The following BNC2 variants were observed in gnomAD, a reference collection of about 807,000 sequenced individuals.
The protein encoded by BNC2 is zinc finger protein basonuclin-2.
Under a neutral mutation model 76.3 loss-of-function variants are expected in BNC2, and 20 were observed. The ratio of observed to expected loss-of-function variants is 0.26; its 90% confidence interval spans 0.18 to 0.38. The LOEUF is 0.38. BNC2 is among the 10% of genes least tolerant of loss of function. The pLI is 1.00. For synonymous variants in BNC2, 582 were observed against 514.8 expected (o/e 1.13, Z -1.77); for missense variants, 1,382 against 1,399.8 (o/e 0.99, Z 0.20).
chr9:16,534,825 A>G (rs1818079825), intron 5 of BNC2, among the ~76,000 whole-genome samples: 1 of 152,206 alleles, frequency 6.6e-6, no homozygotes, highest in Non-Finnish European at 1.5e-5. Flanking sequence ...GGCAGAAAAA[A>G]TCAAAACTTT....
intron 4 of BNC2, among the ~76,000 whole-genome samples, chr9:16,580,379 A>C (rs1488267829): frequency 3.9e-5 from 6 of 152,178 alleles, no homozygotes; most frequent in Admixed American, 2.6e-4. Context: ...ATTGTAAAGG[A>C]AAGAATTAGA....
chr9:16,434,561 G>C (rs142104124), intron 6 of BNC2, among the ~76,000 whole-genome samples: 46 of 152,320 alleles, frequency 3.0e-4, no homozygotes, highest in Non-Finnish European at 1.3e-4. Flanking sequence ...TGGGCTGGTG[G>C]TGTATTATGT....
intron 5 of BNC2, 31 bp downstream of exon 5, chr9:16,552,499 G>A: frequency 6.3e-7 from 1 of 1,599,516 alleles, no homozygotes; most frequent in Non-Finnish European, 8.6e-7. Context: ...GTCGGCCCCG[G>A]ACACGGGCGG....
intron 4 of BNC2, among the ~76,000 whole-genome samples, chr9:16,564,718 G>T (rs1819120942): frequency 6.6e-6 from 1 of 152,112 alleles, no homozygotes; most frequent in Admixed American, 6.6e-5. Flanking sequence ...GGTGCTTATT[G>T]ACAAAATGTT....
At chr9:16,817,455 A>G (rs1005301334) in intron 1 of BNC2, among the ~76,000 whole-genome samples, 1 of 152,226 alleles carries the variant, frequency 6.6e-6, no homozygotes, top group Non-Finnish European at 1.5e-5. Context: ...AAGGGTCTAG[A>G]GTCAGAAAGA....
chr9:16,652,004 CAT>C (rs1437218614), intron 3 of BNC2, among the ~76,000 whole-genome samples: 1 of 152,152 alleles, frequency 6.6e-6, no homozygotes, highest in Non-Finnish European at 1.5e-5. Flanking sequence ...TCTTACACAG[CAT>C]ATGTGTTCCT....
intron 1 of BNC2, among the ~76,000 whole-genome samples, chr9:16,805,897 T>C (rs984608872): frequency 6.6e-6 from 1 of 152,172 alleles, no homozygotes; most frequent in African/African-American, 2.4e-5. Flanking sequence ...ATTTTACCTA[T>C]ATTGGTAACT....
chr9:16,545,715 T>G (rs1047667117), intron 5 of BNC2, among the ~76,000 whole-genome samples: 2 of 152,154 alleles, frequency 1.3e-5, no homozygotes, highest in African/African-American at 4.8e-5. Flanking sequence ...CATGGCCTCA[T>G]TTACAAATCA....
At chr9:16,601,357 T>C (rs555938989) in intron 3 of BNC2, among the ~76,000 whole-genome samples, 16 of 152,222 alleles carry the variant, frequency 1.1e-4, no homozygotes, top group African/African-American at 3.1e-4. Context: ...TTGTTAACAC[T>C]TGTGGTACCA....
At chr9:16,519,437 A>G (rs16934769) in intron 5 of BNC2, among the ~76,000 whole-genome samples, 1 of 152,176 alleles carries the variant, frequency 6.6e-6, no homozygotes, top group South Asian at 2.1e-4. Context: ...TCGGATGTAG[A>G]GATGTGTTCC....
intron 3 of BNC2, among the ~76,000 whole-genome samples, chr9:16,635,696 T>C (rs1821302689): frequency 1.3e-5 from 2 of 152,198 alleles, no homozygotes; most frequent in Admixed American, 6.6e-5. Flanking sequence ...CCAACTTTTG[T>C]TGGCAACTCA....
intron 1 of BNC2, chr9:16,867,672 C>T (rs556882594): frequency 6.6e-6 from 1 of 152,034 alleles, no homozygotes; most frequent in African/African-American, 2.4e-5. Context: ...GGAACAACAA[C>T]AAAAAGAATA....
At chr9:16,483,482 T>G (rs1056511593) in intron 5 of BNC2, among the ~76,000 whole-genome samples, 1 of 152,186 alleles carries the variant, frequency 6.6e-6, no homozygotes, top group African/African-American at 2.4e-5. Context: ...TTCCCAAAAT[T>G]TTGGTAAAAC....
chr9:16,833,509 C>T (rs1442154282), intron 1 of BNC2, among the ~76,000 whole-genome samples: 1 of 152,134 alleles, frequency 6.6e-6, no homozygotes, highest in Non-Finnish European at 1.5e-5. Flanking sequence ...TGACTATATT[C>T]CTTTATGGTT....
At chr9:16,794,736 T>C (rs7858031) in intron 1 of BNC2, among the ~76,000 whole-genome samples, 3,180 of 152,276 alleles carry the variant, frequency 0.021, 108 homozygotes, top group African/African-American at 0.072. Flanking sequence ...GAAGCAAAAT[T>C]AACCATATTA....
Position 16,419,624 on chromosome 9 carries a change from G to A in BNC2, c.2665C>T (p.Arg889Cys), listed in dbSNP as rs779084645. The change falls in exon 7 of 7, where the codon CGT becomes TGT. Residue 889 changes from arginine to cysteine, a missense_variant. Arg to Cys is a radical substitution (Grantham distance 180, BLOSUM62 -3). This residue lies in a region of BNC2 where 798 missense variants were observed against 775.5 expected (regional missense o/e 1.03). Coordinates refer to ENST00000380672, the MANE Select transcript of BNC2 (RefSeq NM_017637.6). ...DRHSANINLH[R>C]KLLTKELDDM... ...TCGAGTTCTTTGGTCAACAGTTTAC[G>A]ATGTAGGTTTATGTTGGCACTGTGT... The A allele has an allele frequency of 1.3e-5, 19 of 1,472,044 alleles. No individual in the cohort carries two copies. Among genetic ancestry groups the A allele is most frequent in the Non-Finnish European group, 1.6e-5 (18 of 1,094,572 alleles). 91.2% of individuals were successfully genotyped at this position (1,472,044 alleles called of 1,614,324 possible).
intron 1 of BNC2, among the ~76,000 whole-genome samples, chr9:16,829,658 C>T (rs919836655): frequency 2.0e-5 from 3 of 152,094 alleles, no homozygotes; most frequent in Non-Finnish European, 2.9e-5. Context: ...ACAAACAAAA[C>T]GGCAATTCTA....
intron 3 of BNC2, among the ~76,000 whole-genome samples, chr9:16,608,425 G>C (rs1234219706): frequency 2.0e-5 from 3 of 151,454 alleles, no homozygotes; most frequent in Non-Finnish European, 4.4e-5. Context: ...TAAACTCCCT[G>C]CTCCTTAAAA....
chr9:16,772,719 G>C (rs1424761253), intron 1 of BNC2, among the ~76,000 whole-genome samples: 2 of 152,114 alleles, frequency 1.3e-5, no homozygotes, highest in Non-Finnish European at 2.9e-5. Context: ...AATTGAAGGT[G>C]CTGGAATCTT....
Sources: allele counts gnomAD v4.1 joint callset (sites outside exome capture counted in the v4.1 genomes callset), GRCh38; gene constraint gnomAD v4.1.1; regional missense constraint gnomAD v4.1.1; transcripts MANE v1.5; gene names NCBI Gene and HGNC (gene_info 2026-07-23, HGNC 2026-07-21).